Variants in FBN1 observed in about 807,000 individuals in gnomAD.
FBN1 encodes fibrillin-1.
A neutral mutation model predicts 365.1 loss-of-function variants in FBN1; 29 were observed. That is an observed-to-expected ratio of 0.08 (90% confidence interval 0.06 to 0.11). FBN1 has a LOEUF of 0.11. Ranked by LOEUF, FBN1 falls within the 10% of genes least tolerant of loss-of-function variation. FBN1 has a pLI of 1.00. For missense variants in FBN1, 2,476 were observed against 3,703.2 expected (o/e 0.67, Z 8.60); for synonymous variants, 1,210 against 1,270.5 (o/e 0.95, Z 1.01).
rs1283198609 is a variant in FBN1 at position 48,586,809 on chromosome 15, A to C, written c.538+9474T>G. The stretch of plus-strand genomic sequence containing the variant: ...CATGGATTCAAAACATCTATCTAGA[A>C]TATGAAAATGTTGTCATGCAGATGT... On this transcript the variant is annotated intron_variant, in intron 6 of 65. Transcript: ENST00000316623. 1.9e-4 allele frequency among the ~76,000 whole-genome samples: 29 copies of C among 152,246 alleles called. 1 individual carries two copies. The highest frequency in any genetic ancestry group is 1.9e-3 in the Admixed American group (29 of 15,282).
chr15:48,499,079 CAGAACAG>C, intron 17 of FBN1, 41 bp from the exon 18 acceptor site: 1 of 1,600,436 alleles, frequency 6.2e-7, no homozygotes, highest in Non-Finnish European at 8.6e-7. Context: ...CCCTTGTTTG[CAGAACAG>C]GTAGATCCTG....
At position 48,421,638 on chromosome 15, in the gene FBN1, A is replaced by C. The variant is rs2042942774; in HGVS notation, c.7619T>G (p.Ile2540Ser). 6.2e-7 allele frequency: 1 copy of C among 1,613,818 alleles called. No homozygotes were observed. The highest frequency in any genetic ancestry group is 8.5e-7 in the Non-Finnish European group (1 of 1,179,976). ...SDINLCGSKG[I>S]CQNTPGSFTC... ...GAAGCTTCCAGGAGTGTTCTGGCAA[A>C]TGCCCTTAGACCCGCACAGATTGAT... The change falls in exon 62 of 66, where the codon ATT (isoleucine) becomes AGT (serine). Residue 2540 changes from isoleucine (I) to serine (S), a missense_variant. Physicochemically the swap from Ile to Ser is moderately radical, Grantham distance 142 (BLOSUM62 -2). This residue lies in a region of FBN1 where 1,780 missense variants were observed against 2,840.8 expected (regional missense o/e 0.63). Transcript: ENST00000316623.
intron 6 of FBN1, among the ~76,000 whole-genome samples, chr15:48,560,793 C>A (rs1255010792): frequency 6.6e-6 from 1 of 152,026 alleles, no homozygotes; most frequent in Admixed American, 6.6e-5. Context: ...CAGAAGAGGC[C>A]CTGGAAATTG....
At position 48,434,616 on chromosome 15, in the gene FBN1, G is replaced by C; in HGVS notation, c.6594C>G (p.Pro2198=). The change falls in exon 54 of 66, where the codon CCC becomes CCG. Residue 2198 remains proline, a synonymous_variant. Transcript: ENST00000316623. ...TACCTTCACATGTCATCATTGGACCGGGCTCAAATCCCTCCTCGCAGGTGC... is the reference window on the plus strand; with the variant it reads ...TACCTTCACATGTCATCATTGGACCCGGCTCAAATCCCTCCTCGCAGGTGC... ...FECTCEEGFE[P]GPMMTCEDIN... is the part of the protein sequence containing the mutation. The C allele has an allele frequency of 6.2e-7, 1 of 1,613,698 alleles. No homozygotes were observed. The highest frequency in any genetic ancestry group is 8.5e-7 in the Non-Finnish European group (1 of 1,179,738).
chr15:48,439,051 C>T (rs1312130786), intron 50 of FBN1, among the ~76,000 whole-genome samples: 1 of 152,166 alleles, frequency 6.6e-6, no homozygotes, highest in African/African-American at 2.4e-5. Flanking sequence ...ACTATCATAA[C>T]CACCTAAGCA....
intron 6 of FBN1, among the ~76,000 whole-genome samples, chr15:48,572,903 A>G (rs1234642369): frequency 2.0e-5 from 3 of 152,162 alleles, no homozygotes; most frequent in African/African-American, 7.2e-5. Flanking sequence ...TTGCATTTAA[A>G]TTTTTTTAAA....
At chr15:48,610,262 C>T (rs545207455) in intron 4 of FBN1, among the ~76,000 whole-genome samples, 1 of 152,252 alleles carries the variant, frequency 6.6e-6, no homozygotes, top group South Asian at 2.1e-4. Flanking sequence ...TATAAATCAC[C>T]CCCAGAAACT....
intron 61 of FBN1, 77 bp downstream of exon 61, chr15:48,421,875 A>G: frequency 6.1e-6 from 8 of 1,308,186 alleles, no homozygotes; most frequent in Non-Finnish European, 5.5e-6. Context: ...TTCTTATCCC[A>G]ACAGCAGAGG....
At chr15:48,495,625 T>C in intron 20 of FBN1, 37 bp from the exon 21 acceptor site, 1 of 1,613,794 alleles carries the variant, frequency 6.2e-7, no homozygotes, top group Middle Eastern at 1.7e-4. Flanking sequence ...TGCTAAAATC[T>C]AGTCTTGGGC....
chr15:48,558,365 G>A (rs937097414), intron 6 of FBN1, among the ~76,000 whole-genome samples: 1 of 152,170 alleles, frequency 6.6e-6, no homozygotes, highest in African/African-American at 2.4e-5. Flanking sequence ...TTCCAGGAGA[G>A]AGGGTTTAAA....
chr15:48,410,990 T>C lies in FBN1; in HGVS notation c.8616A>G (p.Ter2872=), dbSNP rs374499193. Residue 2872 remains the stop codon, a stop_retained_variant, in exon 66 of 66, where the codon TAA becomes TAG. Coordinates refer to ENST00000316623, the MANE Select transcript of FBN1 (RefSeq NM_000138.5). Reference sequence around the variant, plus strand: ...AATTATTTGGTCTCTGGATGGTGAATTAATGAAGCAAAACCTGGATTTTCA... The same window carrying C: ...AATTATTTGGTCTCTGGATGGTGAACTAATGAAGCAAAACCTGGATTTTCA... ...LKMKIQVLLH[*] The C allele has an allele frequency of 2.2e-5, 35 of 1,612,948 alleles. No individual in the cohort carries two copies. Among genetic ancestry groups the C allele is most frequent in the Middle Eastern group, 1.9e-4 (1 of 5,390 alleles).
chr15:48,508,513 T>A (rs2043730012), intron 15 of FBN1, 69 bp downstream of exon 15: 1 of 1,602,618 alleles, frequency 6.2e-7, no homozygotes, highest in South Asian at 1.1e-5. Context: ...AGAAAGGTAG[T>A]ACCTCTAAAC....
chr15:48,604,780 G>A (rs1402618681), intron 4 of FBN1, among the ~76,000 whole-genome samples: 1 of 152,134 alleles, frequency 6.6e-6, no homozygotes, highest in Non-Finnish European at 1.5e-5. Flanking sequence ...ACTGGCTAAA[G>A]CACCACCTTC....
intron 9 of FBN1, among the ~76,000 whole-genome samples, chr15:48,521,153 A>G (rs1346934126): frequency 6.6e-6 from 1 of 152,234 alleles, no homozygotes; most frequent in Non-Finnish European, 1.5e-5. Context: ...TTATAAAGAC[A>G]TGTCTCTATG....
At chr15:48,428,231 T>C in intron 57 of FBN1, 115 bp downstream of exon 57, 1 of 1,373,832 alleles carries the variant, frequency 7.3e-7, no homozygotes, top group Non-Finnish European at 1.0e-6. Flanking sequence ...ATATGAACAT[T>C]TTTTATCCTT....
At chr15:48,562,509 C>T (rs1297797604) in intron 6 of FBN1, among the ~76,000 whole-genome samples, 1 of 152,124 alleles carries the variant, frequency 6.6e-6, no homozygotes, top group Non-Finnish European at 1.5e-5. Context: ...TTTTAGGTGT[C>T]GCCATCAGCA....
chr15:48,470,862 T>C lies in FBN1; in HGVS notation c.4337-106A>G, dbSNP rs138315266. 6.8e-4 allele frequency: 853 copies of C among 1,260,484 alleles called. 7 individuals are homozygous for C. The African/African-American group carries it at 0.012, about 17-fold the overall frequency. 78.1% of individuals were successfully genotyped at this position (1,260,484 alleles called of 1,614,324 possible). Reference sequence around the variant, plus strand: ...ATGTAAATACTAAGAAAATGCAGAGTATCTAACACCAATCTGGGCACTTCT... The same window carrying C: ...ATGTAAATACTAAGAAAATGCAGAGCATCTAACACCAATCTGGGCACTTCT... On this transcript the variant is annotated intron_variant, in intron 35 of 65. Transcript: ENST00000316623.
Position 48,460,317 on chromosome 15 carries a change from T to A in FBN1, c.5225A>T (p.Asp1742Val). The change falls in exon 43 of 66, where the codon GAT becomes GTT. Residue 1742 changes from aspartate to valine, a missense_variant and splice_region_variant. Physicochemically the swap from Asp to Val is radical, Grantham distance 152. Transcript: ENST00000316623. ...ACTTCCACAGAGTGTAGCAAACTCA[T>A]CTGCAATGATTAAACAAAGGTGGGA... is the stretch of plus-strand genomic sequence containing the variant. ...PCEQCPIPST[D>V]EFATLCGSQR... 6.2e-7 allele frequency: 1 copy of A among 1,608,210 alleles called. No individual in the cohort carries two copies. The highest frequency in any genetic ancestry group is 8.5e-7 in the Non-Finnish European group (1 of 1,174,708).
chr15:48,570,168 T>C (rs1337452549), intron 6 of FBN1, among the ~76,000 whole-genome samples: 1 of 152,190 alleles, frequency 6.6e-6, no homozygotes, highest in Non-Finnish European at 1.5e-5. Context: ...GTAAGCTTTA[T>C]ATATCTAACC....
Sources: gnomAD v4.1 joint callset for allele counts (sites outside exome capture counted in the v4.1 genomes callset) on GRCh38, gnomAD v4.1.1 for gene constraint, gnomAD v4.1.1 regional missense constraint, MANE v1.5 for transcripts, NCBI Gene and HGNC (gene_info 2026-07-23, HGNC 2026-07-21) for gene names.